NFRKB: variants seen among roughly 807,000 people sequenced by gnomAD.
NFRKB encodes the protein nuclear factor related to kappa-B-binding protein.
NFRKB carries 62 observed loss-of-function variants against 135.7 expected under a neutral mutation model. That is an observed-to-expected ratio of 0.46 (90% CI 0.37 to 0.56). The LOEUF is 0.56. Among genes scored for constraint, NFRKB ranks in the 20% least tolerant of loss-of-function variants. The probability of loss-of-function intolerance (pLI) is 0.00; values close to 1 mark genes in which losing one functional copy is unlikely to be tolerated. For missense variants in NFRKB, 1,545 were observed against 1,662.0 expected (o/e 0.93, Z 1.22); for synonymous variants, 678 against 635.6 (o/e 1.07, Z -1.00).
chr11:129,869,085 A>G (rs544851387), intron 24 of NFRKB, among the ~76,000 whole-genome samples: 1 of 152,204 alleles, frequency 6.6e-6, no homozygotes, highest in South Asian at 2.1e-4. Context: ...TGTTTTTTAA[A>G]CTACGTGTAC....
chr11:129,885,325 C>G (rs2135668444), intron 6 of NFRKB, 110 bp downstream of exon 6: 2 of 1,288,016 alleles, frequency 1.6e-6, no homozygotes, highest in East Asian at 5.0e-5. Context: ...CCAGACAACT[C>G]AAGAGGGTTT....
Position 129,874,215 on chromosome 11 carries a change from G to T in NFRKB, c.2177C>A (p.Thr726Asn). The change falls in exon 21 of 27, where the codon ACC becomes AAC. Residue 726 changes from threonine (T) to asparagine (N), a missense_variant. Coordinates refer to ENST00000682444, the MANE Select transcript of NFRKB (RefSeq NM_001143835.2). This position sits in a 1 kb window ranked among gnomAD's most constrained non-coding sequence, Gnocchi z 4.5. ...GGGAATGGCGGGCAATGCTGGTGTG[G>T]TGGGGGTTACAGGTGTGACTGGGGT... ...PPTPVTPVTP[T>N]TPALPAIPIS... The T allele has an allele frequency of 6.6e-7, 1 of 1,520,872 alleles. No individual in the cohort carries two copies. Among genetic ancestry groups the T allele is most frequent in the Non-Finnish European group, 8.8e-7 (1 of 1,137,002 alleles). 94.2% of individuals were successfully genotyped at this position (1,520,872 alleles called of 1,614,324 possible).
In NFRKB at chr11:129,874,207, C is replaced by T. The variant is rs1014665480; in HGVS notation, c.2185G>A (p.Ala729Thr). 6.6e-7 allele frequency: 1 copy of T among 1,520,636 alleles called. No individual in the cohort carries two copies. The allele number at this position is 1,520,636 out of a possible 1,614,324, so 94.2% of individuals were successfully genotyped here. A position where few individuals can be genotyped will look rare whatever the true frequency, so the allele number is the denominator to read the frequency against. The change falls in exon 21 of 27, where the codon GCA becomes ACA. Residue 729 changes from alanine (A) to threonine (T), a missense_variant. Physicochemically the swap from Ala to Thr is moderately conservative, Grantham distance 58. Transcript: ENST00000682444. This position sits in a 1 kb window ranked among gnomAD's most constrained non-coding sequence, Gnocchi z 4.5. The part of the protein sequence containing the change: ...PVTPVTPTTP[A>T]LPAIPISPPP... ...GGGGAGATGGGAATGGCGGGCAATG[C>T]TGGTGTGGTGGGGGTTACAGGTGTG...
At chr11:129,886,932 A>C (rs1274810856) in intron 4 of NFRKB, among the ~76,000 whole-genome samples, 1 of 152,182 alleles carries the variant, frequency 6.6e-6, no homozygotes, top group Non-Finnish European at 1.5e-5. Context: ...CCAACCATAG[A>C]GGGGAATTCC....
At chr11:129,877,203 G>T in intron 16 of NFRKB, 122 bp downstream of exon 16, 3 of 987,448 alleles carry the variant, frequency 3.0e-6, no homozygotes, top group Non-Finnish European at 4.7e-6. Context: ...CCAGCCAACA[G>T]AAGGTCTAAG....
Position 129,869,325 on chromosome 11 carries a change from T to C in NFRKB, c.3531+169A>G, listed in dbSNP as rs558034374. 1.9e-3 allele frequency among the ~76,000 whole-genome samples: 294 copies of C among 152,330 alleles called. 1 individual carries two copies. The highest frequency in any genetic ancestry group is 6.3e-3 in the African/African-American group (262 of 41,566). On this transcript the variant is annotated intron_variant, in intron 24 of 26. Transcript: ENST00000682444. ...TTCAAAGGAAACACAGACAAAAGCC[T>C]ATCAGTAAATAAATCTATTTGGGGT...
chr11:129,878,175 G>A, intron 15 of NFRKB, 134 bp downstream of exon 15: 8 of 895,078 alleles, frequency 8.9e-6, no homozygotes, highest in Non-Finnish European at 1.2e-5. Flanking sequence ...GCCAAGTCAG[G>A]AAGAACCAGG....
rs539014187 is a variant in NFRKB at position 129,870,786 on chromosome 11, A to C, written c.2764-525T>G. Among the ~76,000 whole-genome samples the C allele has an allele frequency of 1.1e-4, 17 of 151,676 alleles. No homozygotes were observed. The South Asian group carries it at 2.9e-3, about 26-fold the overall frequency. On this transcript the variant is annotated intron_variant, in intron 23 of 26. Coordinates refer to ENST00000682444, the MANE Select transcript of NFRKB (RefSeq NM_001143835.2). ...TAACAGATGCAAGCCTTTTAACCTTACTCAGGGACTTCGTCTCTCTGTGGC... is the reference window on the plus strand; with the variant it reads ...TAACAGATGCAAGCCTTTTAACCTTCCTCAGGGACTTCGTCTCTCTGTGGC...
At chr11:129,877,037 A>T (rs1030405059) in intron 16 of NFRKB, 142 bp from the exon 17 acceptor site, 1 of 908,424 alleles carries the variant, frequency 1.1e-6, no homozygotes, top group African/African-American at 1.7e-5. Context: ...AGGAATGTTC[A>T]GCCAACCACA....
In NFRKB at chr11:129,869,656, A is replaced by G. The variant is rs765472747; in HGVS notation, c.3369T>C (p.Thr1123=). The change falls in exon 24 of 27, where the codon ACT becomes ACC. Residue 1123 remains threonine (T), a synonymous_variant. Transcript: ENST00000682444. ...GTAAGGACACCGCTGAAGTATGGAC[A>G]GTTCCAGACCCACTGGCCACCGAGG... ...QGASVASGSG[T]VHTSAVSLPS... is the part of the protein sequence containing the mutation. 2.5e-6 allele frequency: 4 copies of G among 1,614,172 alleles called. No individual in the cohort carries two copies. The highest frequency in any genetic ancestry group is 3.3e-5 in the Admixed American group (2 of 60,016).
chr11:129,878,398 T>C (rs764207507), intron 14 of NFRKB, 43 bp from the exon 15 acceptor site: 30 of 1,613,518 alleles, frequency 1.9e-5, no homozygotes, highest in Admixed American at 6.7e-5. Context: ...GACTAAAGAA[T>C]TTGGGCAAAC....
At position 129,878,372 on chromosome 11, in the gene NFRKB, C is replaced by T. The variant is rs753979639; in HGVS notation, c.1465-17G>A. Reference sequence around the variant, plus strand: ...ATTTTCTTGCTGGAGAAAAAGAAAACGTTGACAGGTAAATGGACTAAAGAA... The same window carrying T: ...ATTTTCTTGCTGGAGAAAAAGAAAATGTTGACAGGTAAATGGACTAAAGAA... On this transcript the variant is annotated splice_polypyrimidine_tract_variant and intron_variant, in intron 14 of 26. Coordinates refer to ENST00000682444, the MANE Select transcript of NFRKB (RefSeq NM_001143835.2). The T allele has an allele frequency of 3.1e-6, 5 of 1,614,058 alleles. No individual in the cohort carries two copies. The highest frequency in any genetic ancestry group is 4.2e-6 in the Non-Finnish European group (5 of 1,180,010).
In NFRKB at chr11:129,883,745, C is replaced by G. The variant is rs142853020; in HGVS notation, c.816+325G>C. Among the ~76,000 whole-genome samples, 310 of 152,278 alleles carry G rather than the reference C, an allele frequency of 2.0e-3. 1 individual carries two copies. The East Asian group carries it at 0.021, about 11-fold the overall frequency. On this transcript the variant is annotated intron_variant, in intron 8 of 26. Transcript: ENST00000682444. ...GTAAAAAGTGGGACAAACCCAGGGCCCAACTCCTGGCTCTGCTGCTTCCTG... is the reference window on the plus strand; with the variant it reads ...GTAAAAAGTGGGACAAACCCAGGGCGCAACTCCTGGCTCTGCTGCTTCCTG...
At chr11:129,890,748 A>G (rs1949523004) in intron 3 of NFRKB, among the ~76,000 whole-genome samples, 1 of 152,214 alleles carries the variant, frequency 6.6e-6, no homozygotes, top group Non-Finnish European at 1.5e-5. Context: ...GATGACAATG[A>G]CGCATCTTGC....
Position 129,869,832 on chromosome 11 carries a change from C to T in NFRKB, c.3193G>A (p.Gly1065Ser). ...CCCTTCTGGTCAGCCACACTCACGC[C>T]AAGAGCTGGCATCAAGCGAAAAGCC... The part of the protein sequence containing the change: ...SSAFRLMPAL[G>S]VSVADQKGKS... The change falls in exon 24 of 27, where the codon GGC becomes AGC. Residue 1065 changes from glycine (G) to serine (S), a missense_variant. Transcript: ENST00000682444. 2 of 1,614,244 alleles carry T rather than the reference C, an allele frequency of 1.2e-6. No homozygotes were observed. The highest frequency in any genetic ancestry group is 1.7e-6 in the Non-Finnish European group (2 of 1,180,046).
At chr11:129,886,255 T>C in intron 5 of NFRKB, 62 bp downstream of exon 5, 1 of 1,556,128 alleles carries the variant, frequency 6.4e-7, no homozygotes, top group Admixed American at 2.0e-5. Flanking sequence ...CCTGAATTGC[T>C]TCTTGAAGTC....
rs750537549 is a variant in NFRKB at position 129,873,939 on chromosome 11, T to TGGGTGCAGTCTG, written c.2344_2355dup (p.Gln782_Pro785dup). ...ACGACCCGGGCGGCAGCCTGAGAAC[T>TGGGTGCAGTCTG]GGGTGCAGTCTGGCTGGAAGCTGGG... On this transcript the variant is annotated inframe_insertion, in exon 22 of 27. Transcript: ENST00000682444. 1.2e-6 allele frequency: 2 copies of TGGGTGCAGTCTG among 1,613,390 alleles called. No individual in the cohort carries two copies. The highest frequency in any genetic ancestry group is 1.7e-6 in the Non-Finnish European group (2 of 1,180,032).
At chr11:129,894,074 C>G (rs1264808207) in intron 2 of NFRKB, 1 of 152,178 alleles carries the variant, frequency 6.6e-6, no homozygotes, top group Non-Finnish European at 1.5e-5. Flanking sequence ...AATAACAGAA[C>G]ACTGCTGATC....
At chr11:129,888,487 T>C (rs1438544672) in intron 4 of NFRKB, 107 bp downstream of exon 4, 3 of 1,172,506 alleles carry the variant, frequency 2.6e-6, no homozygotes, top group Admixed American at 3.6e-5. Flanking sequence ...TGCCTCAGTA[T>C]CTGTACATGA....
Sources: gnomAD v4.1 joint callset for allele counts (sites outside exome capture counted in the v4.1 genomes callset) on GRCh38, gnomAD v4.1.1 for gene constraint, Gnocchi (gnomAD v3.1) non-coding constraint, MANE v1.5 for transcripts, NCBI Gene and HGNC (gene_info 2026-07-23, HGNC 2026-07-21) for gene names.